Variants in ABCG5 observed in about 807,000 individuals in gnomAD.
The protein encoded by ABCG5 is ATP binding cassette subfamily G member 5, also known as ATP-binding cassette sub-family G member 5.
Under a neutral mutation model 64.5 loss-of-function variants are expected in ABCG5, and 64 were observed. The observed-to-expected ratio is 0.99, with a 90% confidence interval of 0.81 to 1.22. ABCG5 has a LOEUF of 1.22. ABCG5 is among the 50% of genes most tolerant of loss of function. ABCG5 has a pLI of 0.00. For missense variants in ABCG5, 908 were observed against 829.5 expected (o/e 1.09, Z -1.16); for synonymous variants, 385 against 326.3 (o/e 1.18, Z -1.94).
Position 43,815,893 on chromosome 2 carries a change from G to C in ABCG5, c.1650-1304C>G, listed in dbSNP as rs1315266637. ...AAGAAGGATGGCTAGAATGAGGGCA[G>C]AGTAAGAACAGGAAAAGAAAAAAAA... On this transcript the variant is annotated intron_variant, in intron 11 of 12. Coordinates refer to ENST00000405322, the MANE Select transcript of ABCG5 (RefSeq NM_022436.3). Among the ~76,000 whole-genome samples, 6 of 139,142 alleles carry C rather than the reference G, an allele frequency of 4.3e-5. No individual in the cohort carries two copies. In the Admixed American group the frequency reaches 4.4e-4, roughly 10 times the overall value. 91.3% of individuals were successfully genotyped at this position (139,142 alleles called of 152,430 possible). A position where few individuals can be genotyped will look rare whatever the true frequency, so the allele number is the denominator to read the frequency against.
At position 43,812,923 on chromosome 2, in the gene ABCG5, A is replaced by G; in HGVS notation, c.*193T>C. On this transcript the variant is annotated 3_prime_UTR_variant, in exon 13 of 13. Transcript: ENST00000405322. Reference sequence around the variant, plus strand: ...ACCACATGTCCCTGCAAGTTGTAAGAGCAAGGGACTATAAACCACTTCCAT... The same window carrying G: ...ACCACATGTCCCTGCAAGTTGTAAGGGCAAGGGACTATAAACCACTTCCAT... The G allele has an allele frequency of 1.7e-6, 1 of 595,130 alleles. No homozygotes were observed. Among genetic ancestry groups the G allele is most frequent in the Non-Finnish European group, 3.0e-6 (1 of 333,046 alleles). 36.9% of individuals were successfully genotyped at this position (595,130 alleles called of 1,614,324 possible). A position where few individuals can be genotyped will look rare whatever the true frequency, so the allele number is the denominator to read the frequency against.
intron 11 of ABCG5, among the ~76,000 whole-genome samples, chr2:43,816,252 G>C (rs1165028043): frequency 6.6e-6 from 1 of 152,236 alleles, no homozygotes; most frequent in Non-Finnish European, 1.5e-5. Flanking sequence ...TGGCTGCTGA[G>C]AGGGTCTAAA....
At position 43,824,397 on chromosome 2, in the gene ABCG5, G is replaced by C. The variant is rs142971825; in HGVS notation, c.940C>G (p.Arg314Gly). The C allele has an allele frequency of 3.7e-6, 6 of 1,614,048 alleles. No individual in the cohort carries two copies. The highest frequency in any genetic ancestry group is 1.1e-5 in the South Asian group (1 of 91,082). The change falls in exon 8 of 13, where the codon CGG (arginine) becomes GGG (glycine). Residue 314 changes from arginine to glycine, a missense_variant. Coordinates refer to ENST00000405322, the MANE Select transcript of ABCG5 (RefSeq NM_022436.3). ...ACTCTCTTGGAGGTTTCTATTTCCC[G>C]TTCCTTGCTTTGGGTATCCACTGAC... ...LTSVDTQSKEREIETSKRVQM... is the reference protein window; with the variant it reads ...LTSVDTQSKEGEIETSKRVQM...
rs535520826 is a variant in ABCG5, at chr2:43,831,977, C to A, written c.372G>T (p.Gln124His). 2 of 1,552,168 alleles carry A rather than the reference C, an allele frequency of 1.3e-6. No homozygotes were observed. Among genetic ancestry groups the A allele is most frequent in the African/African-American group, 1.4e-5 (1 of 73,278 alleles). Residue 124 changes from glutamine (Q) to histidine (H), a missense_variant, in exon 3 of 13, where the codon CAG becomes CAT. Physicochemically the swap from Gln to His is conservative, Grantham distance 24. Coordinates refer to ENST00000405322, the MANE Select transcript of ABCG5 (RefSeq NM_022436.3). ...YVNGRALRRE[Q>H]FQDCFSYVLQ... ...GGACGTAGGAGAAGCAGTCCTGGAA[C>A]TGCTCCCGGCGCAGCGCCCGGCCGT...
At chr2:43,827,144 G>A (rs1401728140) in intron 5 of ABCG5, among the ~76,000 whole-genome samples, 7 of 152,182 alleles carry the variant, frequency 4.6e-5, no homozygotes, top group African/African-American at 1.7e-4. Flanking sequence ...GGCCAACATG[G>A]TGAAACCCTG....
rs143407348 is a variant in ABCG5 at position 43,822,390 on chromosome 2, C to G, written c.1463+407G>C. 85 of 361,948 alleles carry G rather than the reference C, an allele frequency of 2.3e-4. 2 individuals carry two copies. The highest frequency in any genetic ancestry group is 1.8e-3 in the African/African-American group (81 of 45,068). 22.4% of individuals were successfully genotyped at this position (361,948 alleles called of 1,614,324 possible). On this transcript the variant is annotated intron_variant, in intron 10 of 12. Coordinates refer to ENST00000405322, the MANE Select transcript of ABCG5 (RefSeq NM_022436.3). Reference sequence around the variant, plus strand: ...TTCTACCTCCCTGATCACCCTCTGCCTCCTCTGTTGGTTGCTGTCCTCTTC... The same window carrying G: ...TTCTACCTCCCTGATCACCCTCTGCGTCCTCTGTTGGTTGCTGTCCTCTTC...
intron 4 of ABCG5, 96 bp downstream of exon 4, chr2:43,831,673 A>C: frequency 8.0e-7 from 1 of 1,253,986 alleles, no homozygotes; most frequent in Non-Finnish European, 1.1e-6. Context: ...GTGACGAGCA[A>C]AGGGAAGGAA....
At chr2:43,838,876 T>G, upstream of ABCG5, 2 of 1,196,966 alleles carry the variant, frequency 1.7e-6, no homozygotes, top group Non-Finnish European at 2.4e-6. This position sits in a 1 kb window ranked among gnomAD's most constrained non-coding sequence, Gnocchi z 4.2. Flanking sequence ...ATCTTGACAG[T>G]GGGCAGAACA....
the ABCG5 span, among the ~76,000 whole-genome samples, chr2:43,807,228 C>T: frequency 2.0e-5 from 3 of 152,016 alleles, no homozygotes; most frequent in African/African-American, 4.8e-5. Context: ...GGTAGGAAGA[C>T]CCCTTTCATC....
At position 43,817,638 on chromosome 2, in the gene ABCG5, G is replaced by A. The variant is rs115830117; in HGVS notation, c.1649+2277C>T. On this transcript the variant is annotated intron_variant, in intron 11 of 12. Coordinates refer to ENST00000405322, the MANE Select transcript of ABCG5 (RefSeq NM_022436.3). ...TAAAAATGCATTTAAGGCCAGACGCGGTGGCTCACGTCTATAATCCCAGCA... is the reference window on the plus strand; with the variant it reads ...TAAAAATGCATTTAAGGCCAGACGCAGTGGCTCACGTCTATAATCCCAGCA... Among the ~76,000 whole-genome samples the A allele has an allele frequency of 1.7e-3, 255 of 150,502 alleles. 1 individual carries two copies. Among genetic ancestry groups the A allele is most frequent in the African/African-American group, 6.0e-3 (246 of 41,020 alleles).
At chr2:43,822,121 A>C (rs1667249140) in intron 10 of ABCG5, among the ~76,000 whole-genome samples, 1 of 152,160 alleles carries the variant, frequency 6.6e-6, no homozygotes, top group African/African-American at 2.4e-5. Context: ...GCCCCTCTTC[A>C]TCCTACCCTG....
At position 43,813,237 on chromosome 2, in the gene ABCG5, G is replaced by C; in HGVS notation, c.1835C>G (p.Thr612Ser). ...GAATCTAGATGTTGCACCTGGGCAG[G>C]TTTTCTCAATGAATTGAATTCCTTG... ...FTQGIQFIEK[T>S]CPGATSRFTM... The change falls in exon 13 of 13, where the codon ACC (threonine) becomes AGC (serine). Residue 612 changes from threonine to serine, a missense_variant. Coordinates refer to ENST00000405322, the MANE Select transcript of ABCG5 (RefSeq NM_022436.3). The C allele has an allele frequency of 6.2e-7, 1 of 1,613,884 alleles. No homozygotes were observed.
In ABCG5 at chr2:43,822,898, C is replaced by T; in HGVS notation, c.1362G>A (p.Gln454=). ...TCTGCCACTTCTGGTAGAGGCCGTC[C>T]TGACTCTCCTGGTCGCTGACAGCTC... The part of the protein sequence containing the change: ...VLRAVSDQES[Q]DGLYQKWQMM... The change falls in exon 10 of 13, where the codon CAG becomes CAA. Residue 454 remains glutamine (Q), a synonymous_variant. Transcript: ENST00000405322. The T allele has an allele frequency of 6.2e-7, 1 of 1,614,100 alleles. No homozygotes were observed. The highest frequency in any genetic ancestry group is 8.5e-7 in the Non-Finnish European group (1 of 1,180,002).
Position 43,822,920 on chromosome 2 carries a change from G to T in ABCG5, c.1340C>A (p.Ala447Asp). 2 of 1,613,958 alleles carry T rather than the reference G, an allele frequency of 1.2e-6. No homozygotes were observed. Among genetic ancestry groups the T allele is most frequent in the Non-Finnish European group, 1.7e-6 (2 of 1,179,956 alleles). Reference sequence around the variant, plus strand: ...GTCCTGACTCTCCTGGTCGCTGACAGCTCGCAGCACGGGAACTGGGGATGG... The same window carrying T: ...GTCCTGACTCTCCTGGTCGCTGACATCTCGCAGCACGGGAACTGGGGATGG... ...NAVNLFPVLR[A>D]VSDQESQDGL... Residue 447 changes from alanine to aspartate, a missense_variant, in exon 10 of 13, where the codon GCT becomes GAT. Physicochemically the swap from Ala to Asp is moderately radical, Grantham distance 126 (BLOSUM62 -2). Transcript: ENST00000405322.
At chr2:43,823,062 T>A (rs1667343201) in intron 9 of ABCG5, 127 bp from the exon 10 acceptor site, 1 of 1,308,512 alleles carries the variant, frequency 7.6e-7, no homozygotes, top group South Asian at 1.3e-5. Context: ...GGTTCCCTAG[T>A]CATAGAAGGA....
At chr2:43,822,658 A>G (rs1667307129) in intron 10 of ABCG5, 139 bp downstream of exon 10, 1 of 1,549,120 alleles carries the variant, frequency 6.5e-7, no homozygotes, top group Non-Finnish European at 8.7e-7. Flanking sequence ...GGAAGATACG[A>G]CATTGCACTA....
intron 2 of ABCG5, among the ~76,000 whole-genome samples, chr2:43,834,923 G>A (rs1335777946): frequency 2.0e-5 from 3 of 152,202 alleles, no homozygotes; most frequent in Admixed American, 1.3e-4. Context: ...AGATAATACT[G>A]CTTGAGATAA....
At chr2:43,825,147 G>T in intron 6 of ABCG5, 129 bp from the exon 7 acceptor site, 1 of 1,142,876 alleles carries the variant, frequency 8.7e-7, no homozygotes, top group Non-Finnish European at 1.3e-6. Flanking sequence ...TATGGGAAAT[G>T]CATTTCCCAT....
downstream of ABCG5, among the ~76,000 whole-genome samples, chr2:43,809,249 C>G (rs972582638): frequency 3.3e-5 from 5 of 152,112 alleles, no homozygotes; most frequent in Non-Finnish European, 7.4e-5. Flanking sequence ...GCCCCAGCCT[C>G]CCAAAGTGCT....
Sources: gnomAD v4.1 joint callset for allele counts (sites outside exome capture counted in the v4.1 genomes callset) on GRCh38, gnomAD v4.1.1 for gene constraint, Gnocchi (gnomAD v3.1) non-coding constraint, MANE v1.5 for transcripts, NCBI Gene and HGNC (gene_info 2026-07-23, HGNC 2026-07-21) for gene names.